Variants in PLXNA4 observed in about 807,000 individuals in gnomAD.
PLXNA4 encodes plexin-A4.
PLXNA4 carries 44 observed loss-of-function variants against 191.8 expected under a neutral mutation model. The observed-to-expected ratio is 0.23, with a 90% CI of 0.18 to 0.29. The LOEUF (loss-of-function observed/expected upper bound fraction) is 0.29, where lower values mean the gene tolerates loss of function less well. Among genes scored for constraint, PLXNA4 ranks in the 10% least tolerant of loss-of-function variants. The probability of loss-of-function intolerance (pLI) is 1.00; values close to 1 mark genes in which losing one functional copy is unlikely to be tolerated. For missense variants in PLXNA4, 1,800 were observed against 2,488.8 expected (o/e 0.72, Z 5.89); for synonymous variants, 1,082 against 1,009.5 (o/e 1.07, Z -1.36).
intron 3 of PLXNA4, among the ~76,000 whole-genome samples, chr7:132,366,910 T>C (rs1330185517): frequency 6.6e-6 from 1 of 152,104 alleles, no homozygotes; most frequent in Non-Finnish European, 1.5e-5. Flanking sequence ...CACAGACACT[T>C]GCCACCATCC....
chr7:132,171,251 T>C (rs1796277819), intron 21 of PLXNA4, among the ~76,000 whole-genome samples: 1 of 152,268 alleles, frequency 6.6e-6, no homozygotes, highest in Admixed American at 6.5e-5. Context: ...ATTGTTTCAA[T>C]GAGGCCTTCT....
rs563954274 is a variant in PLXNA4 at position 132,275,705 on chromosome 7, C to T, written c.1503+22386G>A. 6.6e-5 allele frequency among the ~76,000 whole-genome samples: 10 copies of T among 152,204 alleles called. No individual in the cohort carries two copies. The South Asian group carries it at 8.3e-4, about 13-fold the overall frequency. ...TGATTGCTGCTATTGTGGATGGATTCGATGGAAATGAGTCGCCAGCACCTG... is the reference window on the plus strand; with the variant it reads ...TGATTGCTGCTATTGTGGATGGATTTGATGGAAATGAGTCGCCAGCACCTG... On this transcript the variant is annotated intron_variant, in intron 4 of 31. Transcript: ENST00000321063.
chr7:132,527,093 A>G (rs951848666), intron 1 of PLXNA4, among the ~76,000 whole-genome samples: 2 of 152,210 alleles, frequency 1.3e-5, no homozygotes, highest in African/African-American at 4.8e-5. Context: ...TTAGAAGTTA[A>G]TGGACAGTTG....
At chr7:132,614,961 C>T (rs1157042973) in intron 2 of PLXNA4, among the ~76,000 whole-genome samples, 1 of 152,182 alleles carries the variant, frequency 6.6e-6, no homozygotes, top group Non-Finnish European at 1.5e-5. Context: ...AAATCCTGCC[C>T]CCTGGCTTCC....
intron 30 of PLXNA4, among the ~76,000 whole-genome samples, chr7:132,135,039 A>G (rs1485730889): frequency 6.6e-6 from 1 of 152,154 alleles, no homozygotes; most frequent in Non-Finnish European, 1.5e-5. Flanking sequence ...AATAAATGCC[A>G]TTGTTCCATT....
intron 4 of PLXNA4, among the ~76,000 whole-genome samples, chr7:132,271,499 T>C (rs1458646914): frequency 1.3e-5 from 2 of 150,932 alleles, no homozygotes; most frequent in Non-Finnish European, 2.9e-5. Context: ...TACTGGTACC[T>C]AGCTTTATTT....
At chr7:132,152,999 G>A (rs1017498298) in intron 25 of PLXNA4, among the ~76,000 whole-genome samples, 3 of 152,228 alleles carry the variant, frequency 2.0e-5, no homozygotes, top group Non-Finnish European at 4.4e-5. Context: ...CTGGGCATGA[G>A]AGGTAGTTAA....
At chr7:132,351,735 C>T (rs762508129) in intron 3 of PLXNA4, among the ~76,000 whole-genome samples, 1 of 152,174 alleles carries the variant, frequency 6.6e-6, no homozygotes, top group Non-Finnish European at 1.5e-5. Flanking sequence ...TGCCACATCC[C>T]AGAACCACAC....
chr7:132,602,169 C>T (rs144566116), intron 2 of PLXNA4, among the ~76,000 whole-genome samples: 7 of 152,290 alleles, frequency 4.6e-5, no homozygotes, highest in East Asian at 3.9e-4. Flanking sequence ...CTCTAGGTAG[C>T]GAGGTAATTA....
chr7:132,496,034 G>A (rs1468932051), intron 2 of PLXNA4, among the ~76,000 whole-genome samples: 1 of 152,228 alleles, frequency 6.6e-6, no homozygotes, highest in Non-Finnish European at 1.5e-5. Context: ...GTGTGGGGAT[G>A]GACAGACCTG....
At chr7:132,497,848 G>A (rs1183807688) in intron 2 of PLXNA4, among the ~76,000 whole-genome samples, 1 of 152,140 alleles carries the variant, frequency 6.6e-6, no homozygotes, top group African/African-American at 2.4e-5. Context: ...AGTTACTAAT[G>A]CTTCATCTCA....
At chr7:132,469,013 G>C (rs955148161) in intron 3 of PLXNA4, among the ~76,000 whole-genome samples, 1 of 150,904 alleles carries the variant, frequency 6.6e-6, no homozygotes, top group African/African-American at 2.4e-5. Flanking sequence ...TTAGTACCAA[G>C]GGCTTCCTCT....
At chr7:132,440,602 C>G (rs1795661728) in intron 3 of PLXNA4, among the ~76,000 whole-genome samples, 1 of 152,202 alleles carries the variant, frequency 6.6e-6, no homozygotes, top group African/African-American at 2.4e-5. Flanking sequence ...GTTCTTTCCT[C>G]CCCTTCCCTA....
chr7:132,499,278 C>T (rs1274581040), intron 2 of PLXNA4, among the ~76,000 whole-genome samples: 1 of 152,262 alleles, frequency 6.6e-6, no homozygotes, highest in African/African-American at 2.4e-5. Flanking sequence ...GGGCCATGCC[C>T]TGGGAATAGT....
chr7:132,490,668 C>T (rs1391725257), intron 2 of PLXNA4, among the ~76,000 whole-genome samples: 1 of 152,108 alleles, frequency 6.6e-6, no homozygotes, highest in Non-Finnish European at 1.5e-5. Context: ...CTCAAGCAAC[C>T]ACCACCCTCA....
In PLXNA4 at chr7:132,202,940, G is replaced by A; in HGVS notation, c.2396-104C>T. ...GTGCAGTGCCAGCCTGGGGTGATGG[G>A]GCACAAAGGCAGTTTTGCCCCCTTA... On this transcript the variant is annotated intron_variant, in intron 11 of 31. Coordinates refer to ENST00000321063, the MANE Select transcript of PLXNA4 (RefSeq NM_020911.2). The A allele has an allele frequency of 4.1e-6, 5 of 1,229,438 alleles. No individual in the cohort carries two copies. The East Asian group carries it at 1.3e-4, about 32-fold the overall frequency. 76.2% of individuals were successfully genotyped at this position (1,229,438 alleles called of 1,614,324 possible).
At chr7:132,200,601 A>C (rs952497147) in intron 12 of PLXNA4, among the ~76,000 whole-genome samples, 1 of 152,220 alleles carries the variant, frequency 6.6e-6, no homozygotes, top group Non-Finnish European at 1.5e-5. Flanking sequence ...AAAGGGTCTG[A>C]AGCATGGGGC....
At chr7:132,432,070 G>A (rs535673424) in intron 3 of PLXNA4, among the ~76,000 whole-genome samples, 4 of 152,172 alleles carry the variant, frequency 2.6e-5, no homozygotes, top group South Asian at 2.1e-4. Context: ...CTTCCTTTGC[G>A]TGGAGGTTCT....
chr7:132,643,335 C>T (rs755766386), intron 2 of PLXNA4, among the ~76,000 whole-genome samples: 81 of 152,144 alleles, frequency 5.3e-4, no homozygotes, highest in Middle Eastern at 3.4e-3. Context: ...GTTCAGAGCC[C>T]CCACAGTGCC....
Sources: gnomAD v4.1 joint callset for allele counts (sites outside exome capture counted in the v4.1 genomes callset) on GRCh38, gnomAD v4.1.1 for gene constraint, MANE v1.5 for transcripts, NCBI Gene and HGNC (gene_info 2026-07-23, HGNC 2026-07-21) for gene names.